Variants in CFAP100 observed in about 807,000 individuals in gnomAD.
CFAP100 encodes the protein cilia and flagella associated protein 100.
Under a neutral mutation model 81.5 loss-of-function variants are expected in CFAP100, and 70 were observed. That is an observed-to-expected ratio of 0.86 (90% CI 0.71 to 1.05). CFAP100 has a LOEUF of 1.05. Among genes scored for constraint, CFAP100 ranks in the 50% least tolerant of loss-of-function variants. The probability of loss-of-function intolerance (pLI) is 0.00; values close to 1 mark genes in which losing one functional copy is unlikely to be tolerated. For missense variants in CFAP100, 811 were observed against 776.5 expected, an observed-to-expected ratio of 1.04 and a Z score of -0.53; for synonymous variants, 341 against 314.8, an observed-to-expected ratio of 1.08 and a Z score of -0.88.
chr3:126,433,310 G>T (rs1933305461), intron 14 of CFAP100, 106 bp downstream of exon 14: 2 of 1,375,094 alleles, frequency 1.5e-6, no homozygotes, highest in Non-Finnish European at 1.0e-6. Flanking sequence ...ACAAGGCCCG[G>T]GTGAGTGCCC....
At chr3:126,410,438 C>T (rs1213697960) in intron 3 of CFAP100, among the ~76,000 whole-genome samples, 1 of 152,190 alleles carries the variant, frequency 6.6e-6, no homozygotes, top group African/African-American at 2.4e-5. Context: ...TTCTACTATA[C>T]AATCATGTCA....
intron 3 of CFAP100, among the ~76,000 whole-genome samples, chr3:126,413,835 G>T (rs1269660547): frequency 6.6e-6 from 1 of 152,248 alleles, no homozygotes; most frequent in Non-Finnish European, 1.5e-5. Flanking sequence ...GTGAGACAAG[G>T]CTGTGCTCAC....
At chr3:126,429,815 C>T (rs2107616922) in intron 13 of CFAP100, among the ~76,000 whole-genome samples, 1 of 152,222 alleles carries the variant, frequency 6.6e-6, no homozygotes, top group South Asian at 2.1e-4. Context: ...TTTGTTTCAA[C>T]TTGTAGAACT....
Position 126,418,794 on chromosome 3 carries a change from G to T in CFAP100, c.650+20G>T. On this transcript the variant is annotated intron_variant, in intron 7 of 16. Coordinates refer to ENST00000352312, the MANE Select transcript of CFAP100 (RefSeq NM_182628.3). ...GAGAGCGTGAGCCTGCGGGCCCGAG[G>T]GGCTGGCTGGGCAATGCCGAACCCC... The T allele has an allele frequency of 6.4e-7, 1 of 1,557,496 alleles. No homozygotes were observed. The highest frequency in any genetic ancestry group is 2.3e-5 in the East Asian group (1 of 43,030).
chr3:126,404,679 G>T (rs2083035795), intron 2 of CFAP100, among the ~76,000 whole-genome samples: 1 of 152,114 alleles, frequency 6.6e-6, no homozygotes, highest in South Asian at 2.1e-4. Context: ...CAGGGAAAAT[G>T]AGGTTTTTTT....
At position 126,406,752 on chromosome 3, in the gene CFAP100, G is replaced by A. The variant is rs550421349; in HGVS notation, c.50-420G>A. ...AGGGGTGGCAGCTCCCTGAGGAGGT[G>A]GGGTCTTAGGGGCCTCCATCCAAGT... is the stretch of plus-strand genomic sequence containing the variant. On this transcript the variant is annotated intron_variant, in intron 2 of 16. Transcript: ENST00000352312. Among the ~76,000 whole-genome samples, 54 of 152,300 alleles carry A rather than the reference G, an allele frequency of 3.5e-4. 2 individuals carry two copies. The South Asian group carries it at 0.011, about 30-fold the overall frequency.
At chr3:126,408,743 C>T (rs1195312251) in intron 3 of CFAP100, among the ~76,000 whole-genome samples, 6 of 152,284 alleles carry the variant, frequency 3.9e-5, no homozygotes, top group Non-Finnish European at 5.9e-5. Flanking sequence ...CCTGACCCTC[C>T]GCACAAACTA....
rs765644982 is a variant in CFAP100 at position 126,423,640 on chromosome 3, C to G, written c.1282C>G (p.Arg428Gly). ...CCACACCCTGAAACACACCCAGATC[C>G]GCATGTAGGTGCTATGCGGTGGCCA... Reference protein sequence around the residue: ...LSHTLKHTQIRMDREVNQLKQ... With the variant: ...LSHTLKHTQIGMDREVNQLKQ... Residue 428 changes from arginine (R) to glycine (G), a missense_variant, in exon 13 of 17, where the codon CGC becomes GGC. Arg to Gly is a moderately radical substitution (Grantham distance 125, BLOSUM62 -2). Coordinates refer to ENST00000352312, the MANE Select transcript of CFAP100 (RefSeq NM_182628.3). 3.7e-6 allele frequency: 6 copies of G among 1,614,208 alleles called. No homozygotes were observed. The highest frequency in any genetic ancestry group is 2.2e-5 in the East Asian group (1 of 44,878).
At chr3:126,402,613 G>A (rs1041851658) in intron 2 of CFAP100, among the ~76,000 whole-genome samples, 1 of 152,074 alleles carries the variant, frequency 6.6e-6, no homozygotes, top group African/African-American at 2.4e-5. Flanking sequence ...TGGCTGGGGT[G>A]TGGGCTCTGG....
At chr3:126,434,117 C>G in intron 14 of CFAP100, 59 bp from the exon 15 acceptor site, 1 of 1,496,364 alleles carries the variant, frequency 6.7e-7, no homozygotes. Flanking sequence ...GCTGAAGGCA[C>G]TGGCATGGGG....
chr3:126,432,265 T>C (rs1298918681), intron 13 of CFAP100, among the ~76,000 whole-genome samples: 2 of 116,918 alleles, frequency 1.7e-5, no homozygotes, highest in Non-Finnish European at 3.2e-5. Flanking sequence ...CCTGGGCGAC[T>C]GAGCAAGACT....
At chr3:126,420,773 CT>C (rs2083318200) in intron 11 of CFAP100, 1 of 155,452 alleles carries the variant, frequency 6.4e-6, no homozygotes, top group African/African-American at 2.4e-5. Context: ...GTCACGGTCA[CT>C]ACGTGGGTGA....
At chr3:126,406,379 C>T (rs79864809) in intron 2 of CFAP100, among the ~76,000 whole-genome samples, 3 of 152,244 alleles carry the variant, frequency 2.0e-5, no homozygotes, top group Admixed American at 6.5e-5. Flanking sequence ...GTCCCTCCCC[C>T]ATCCCGCCCC....
chr3:126,401,469 T>C (rs1169851150), intron 2 of CFAP100, among the ~76,000 whole-genome samples: 1 of 136,520 alleles, frequency 7.3e-6, no homozygotes, highest in Non-Finnish European at 1.6e-5. Context: ...AATCAAAAAA[T>C]GTGTTCTTAA....
At position 126,407,192 on chromosome 3, in the gene CFAP100, A is replaced by C; in HGVS notation, c.70A>C (p.Asn24His). 6.2e-7 allele frequency: 1 copy of C among 1,613,890 alleles called. No individual in the cohort carries two copies. The highest frequency in any genetic ancestry group is 8.5e-7 in the Non-Finnish European group (1 of 1,179,872). Residue 24 changes from asparagine to histidine, a missense_variant, in exon 3 of 17, where the codon AAC becomes CAC. Transcript: ENST00000352312. ...CTCAGAGAACAGCCTGGAATCCATGAACATCAGCTCTTCTTCAAGCACTGA... is the reference window on the plus strand; with the variant it reads ...CTCAGAGAACAGCCTGGAATCCATGCACATCAGCTCTTCTTCAAGCACTGA... ...TNDKNSLESM[N>H]ISSSSSTEEN...
intron 11 of CFAP100, chr3:126,420,485 T>A: frequency 1.9e-6 from 1 of 532,852 alleles, no homozygotes; most frequent in Non-Finnish European, 3.3e-6. Flanking sequence ...GGCTGATTTG[T>A]TTTTGAATAA....
chr3:126,436,149 C>T, intron 16 of CFAP100, 142 bp from the exon 17 acceptor site: 4 of 618,216 alleles, frequency 6.5e-6, no homozygotes, highest in South Asian at 6.0e-5. Context: ...TCAGAGTTAA[C>T]TCCAGCCCTC....
intron 2 of CFAP100, among the ~76,000 whole-genome samples, chr3:126,400,361 A>G (rs980873112): frequency 6.6e-6 from 1 of 152,198 alleles, no homozygotes; most frequent in African/African-American, 2.4e-5. Context: ...ACTATCAAAA[A>G]ATACAAACAA....
intron 3 of CFAP100, among the ~76,000 whole-genome samples, chr3:126,413,732 C>T (rs1466010947): frequency 6.6e-6 from 1 of 152,226 alleles, no homozygotes; most frequent in East Asian, 1.9e-4. Context: ...CCCTGGTCAC[C>T]AGGCCCATCA....
Sources: gnomAD v4.1 joint callset for allele counts (sites outside exome capture counted in the v4.1 genomes callset) on GRCh38, gnomAD v4.1.1 for gene constraint, MANE v1.5 for transcripts, NCBI Gene and HGNC (gene_info 2026-07-23, HGNC 2026-07-21) for gene names.